STPG1: variants seen among roughly 807,000 people sequenced by gnomAD.
STPG1 encodes the protein sperm tail PG-rich repeat containing 1, also known as O(6)-methylguanine-induced apoptosis 2.
In STPG1, 33 loss-of-function variants were observed where a neutral mutation model predicts 40.1. The observed-to-expected ratio is 0.82, with a 90% CI of 0.62 to 1.10. STPG1 has a LOEUF of 1.10. Ranked by LOEUF, STPG1 falls within the 50% of genes least tolerant of loss-of-function variation. The probability of loss-of-function intolerance (pLI) is 0.00; values close to 1 mark genes in which losing one functional copy is unlikely to be tolerated. For synonymous variants in STPG1, 150 were observed against 155.0 expected (o/e 0.97, Z 0.24); for missense variants, 396 against 415.1 (o/e 0.95, Z 0.40).
At chr1:24,414,695 C>T (rs12030088), upstream of STPG1, 28,917 of 151,728 alleles carry the variant, frequency 0.19, 3,225 homozygotes, top group East Asian at 0.3. Context: ...CCACCACGCC[C>T]GGCTAATTTT....
intron 7 of STPG1, chr1:24,364,205 C>G: frequency 6.5e-7 from 1 of 1,537,706 alleles, no homozygotes; most frequent in Non-Finnish European, 8.8e-7. Flanking sequence ...CTCCTCCACC[C>G]ACGCCTGTCT....
intron 3 of STPG1, among the ~76,000 whole-genome samples, chr1:24,389,977 C>T (rs1276219408): frequency 1.3e-5 from 2 of 152,180 alleles, no homozygotes; most frequent in Admixed American, 6.5e-5. Context: ...TCTAGTTCAG[C>T]GTTCTCATCT....
intron 3 of STPG1, among the ~76,000 whole-genome samples, chr1:24,389,066 A>G (rs1223272412): frequency 6.6e-6 from 1 of 152,224 alleles, no homozygotes; most frequent in Non-Finnish European, 1.5e-5. Flanking sequence ...CATGTTGTCA[A>G]GTAACACGAC....
chr1:24,399,814 T>A lies in STPG1; in HGVS notation c.70+1505A>T, dbSNP rs1643147916. ...AGAATATCCAAAAGGCCAGTCAACA[T>A]GAAAAAGTGCTCAATCTCATTGATC... is the stretch of plus-strand genomic sequence containing the variant. On this transcript the variant is annotated intron_variant, in intron 2 of 8. Coordinates refer to ENST00000337248, the MANE Select transcript of STPG1 (RefSeq NM_001199013.2). This position sits in a 1 kb window ranked among gnomAD's most constrained non-coding sequence, Gnocchi z 4.0. Among the ~76,000 whole-genome samples, 1 of 152,154 alleles carries A rather than the reference T, an allele frequency of 6.6e-6. No homozygotes were observed. The highest frequency in any genetic ancestry group is 2.4e-5 in the African/African-American group (1 of 41,442).
intron 7 of STPG1, among the ~76,000 whole-genome samples, chr1:24,363,590 A>G (rs486575): frequency 0.46 from 70,474 of 152,068 alleles, 17,144 homozygotes; most frequent in East Asian, 0.83. Flanking sequence ...AACAGTGGAA[A>G]TAATACCTAC....
chr1:24,391,862 G>T, intron 2 of STPG1, 183 bp from the exon 3 acceptor site: 1 of 1,321,610 alleles, frequency 7.6e-7, no homozygotes, highest in Non-Finnish European at 9.6e-7. Flanking sequence ...TTCCCTCTCG[G>T]CAATTTATCG....
chr1:24,358,542 C>T lies in STPG1; in HGVS notation c.*1G>A, dbSNP rs1283484181. On this transcript the variant is annotated 3_prime_UTR_variant, in exon 9 of 9. Transcript: ENST00000337248. ...GTTCTCCTTGACCTTGTGTGACATC[C>T]CTACAGAACCGGGATCCATTTCTTG... 3 of 1,613,156 alleles carry T rather than the reference C, an allele frequency of 1.9e-6. No individual in the cohort carries two copies. The highest frequency in any genetic ancestry group is 4.5e-5 in the East Asian group (2 of 44,888).
chr1:24,411,489 T>C (rs558778369), intron 1 of STPG1, among the ~76,000 whole-genome samples: 2 of 152,340 alleles, frequency 1.3e-5, no homozygotes, highest in South Asian at 4.1e-4. Context: ...GTCCACTTGC[T>C]AGAGTGCAGT....
At chr1:24,395,351 CATAAAGGA>C (rs1557456572) in intron 2 of STPG1, among the ~76,000 whole-genome samples, 1 of 149,092 alleles carries the variant, frequency 6.7e-6, no homozygotes, top group Non-Finnish European at 1.5e-5. Context: ...ATCTGAATCA[CATAAAGGA>C]ATGAAGCTCT....
intron 3 of STPG1, among the ~76,000 whole-genome samples, chr1:24,384,430 C>G (rs113428963): frequency 0.016 from 2,394 of 152,294 alleles, 60 homozygotes; most frequent in African/African-American, 0.053. Context: ...TCAGCTTCCT[C>G]CTCAGCCTTT....
At chr1:24,388,804 A>G in intron 3 of STPG1, among the ~76,000 whole-genome samples, 1 of 152,236 alleles carries the variant, frequency 6.6e-6, no homozygotes, top group Non-Finnish European at 1.5e-5. Context: ...CCTCGGGAAA[A>G]ATGAGAACGA....
intron 5 of STPG1, among the ~76,000 whole-genome samples, chr1:24,374,550 C>T (rs1363617332): frequency 7.9e-5 from 12 of 151,938 alleles, no homozygotes; most frequent in East Asian, 1.9e-4. Flanking sequence ...TGAGCCACTG[C>T]GCCCAGCCGG....
At chr1:24,381,821 G>A (rs183606123) in intron 4 of STPG1, among the ~76,000 whole-genome samples, 17 of 152,308 alleles carry the variant, frequency 1.1e-4, no homozygotes, top group Non-Finnish European at 2.2e-4. Flanking sequence ...AAGCGGAGGA[G>A]GTGCTAAAGG....
rs1640932189 is a variant in STPG1, at chr1:24,359,288, G to C, written c.929-669C>G. Among the ~76,000 whole-genome samples the C allele has an allele frequency of 6.6e-6, 1 of 152,230 alleles. No homozygotes were observed. Among genetic ancestry groups the C allele is most frequent in the African/African-American group, 2.4e-5 (1 of 41,456 alleles). ...GGAGCTGCCTGTCTCTGTGTGCCAG[G>C]TGCCTAGCACCACATACGGCATGGA... On this transcript the variant is annotated intron_variant, in intron 8 of 8. Coordinates refer to ENST00000337248, the MANE Select transcript of STPG1 (RefSeq NM_001199013.2). This position sits in a 1 kb window ranked among gnomAD's most constrained non-coding sequence, Gnocchi z 5.3.
chr1:24,411,285 A>G (rs544772711), intron 1 of STPG1, among the ~76,000 whole-genome samples: 5 of 152,194 alleles, frequency 3.3e-5, no homozygotes, highest in African/African-American at 9.7e-5. Context: ...TGACTTGCCC[A>G]AAGTCACATT....
intron 2 of STPG1, among the ~76,000 whole-genome samples, chr1:24,400,730 C>T (rs1388113342): frequency 6.6e-6 from 1 of 152,130 alleles, no homozygotes; most frequent in Non-Finnish European, 1.5e-5. Context: ...ACTAACGAAC[C>T]AGAACACTAG....
rs1014774308 is a variant in STPG1, at chr1:24,399,341, A to G, written c.70+1978T>C. 6.6e-6 allele frequency among the ~76,000 whole-genome samples: 1 copy of G among 152,200 alleles called. No individual in the cohort carries two copies. Among genetic ancestry groups the G allele is most frequent in the Non-Finnish European group, 1.5e-5 (1 of 68,006 alleles). On this transcript the variant is annotated intron_variant, in intron 2 of 8. Transcript: ENST00000337248. This position sits in a 1 kb window ranked among gnomAD's most constrained non-coding sequence, Gnocchi z 4.0. ...GTAGTAGAGAATGAGCAGCCTTTCA[A>G]TAAATGGTGCTGGGTCAACATGGAA...
intron 1 of STPG1, among the ~76,000 whole-genome samples, chr1:24,407,627 G>A (rs1643467028): frequency 6.6e-6 from 1 of 151,654 alleles, no homozygotes; most frequent in South Asian, 2.1e-4. Flanking sequence ...TAGTAGACAC[G>A]GGGTTTCACC....
intron 1 of STPG1, among the ~76,000 whole-genome samples, chr1:24,411,238 T>A (rs1352492793): frequency 1.3e-5 from 2 of 152,192 alleles, no homozygotes; most frequent in African/African-American, 4.8e-5. Flanking sequence ...CCCCACTTTT[T>A]ACAGATGAGA....
Sources: gnomAD v4.1 joint callset for allele counts (sites outside exome capture counted in the v4.1 genomes callset) on GRCh38, gnomAD v4.1.1 for gene constraint, Gnocchi (gnomAD v3.1) non-coding constraint, MANE v1.5 for transcripts, NCBI Gene and HGNC (gene_info 2026-07-23, HGNC 2026-07-21) for gene names.